AGTPBP1: variants seen among roughly 807,000 people sequenced by gnomAD.
AGTPBP1 encodes the protein cytosolic carboxypeptidase 1.
Under a neutral mutation model 143.9 loss-of-function variants are expected in AGTPBP1, and 70 were observed. The observed-to-expected ratio is 0.49, with a 90% CI of 0.40 to 0.59. AGTPBP1 has a LOEUF of 0.59. AGTPBP1 is among the 20% of genes least tolerant of loss of function. AGTPBP1 has a pLI of 0.00. For missense variants in AGTPBP1, 1,229 were observed against 1,464.5 expected (o/e 0.84, Z 2.62); for synonymous variants, 463 against 500.2 (o/e 0.93, Z 0.99).
chr9:85,691,475 T>C (rs1331435183), intron 3 of AGTPBP1, among the ~76,000 whole-genome samples: 1 of 151,862 alleles, frequency 6.6e-6, no homozygotes, highest in Non-Finnish European at 1.5e-5. Flanking sequence ...AGAAATACCT[T>C]TTATGTGCAC....
At chr9:85,755,518 C>T in the AGTPBP1 span, among the ~76,000 whole-genome samples, 1 of 152,176 alleles carries the variant, frequency 6.6e-6, no homozygotes, top group African/African-American at 2.4e-5. Flanking sequence ...CCTCCATCAT[C>T]TGTGTCTTCC....
chr9:85,585,160 T>C (rs1377739355), intron 23 of AGTPBP1, among the ~76,000 whole-genome samples: 1 of 152,204 alleles, frequency 6.6e-6, no homozygotes, highest in Admixed American at 6.5e-5. Flanking sequence ...TACATCCATA[T>C]ATACAAAATA....
intron 14 of AGTPBP1, among the ~76,000 whole-genome samples, chr9:85,627,729 A>G (rs1013970738): frequency 4.6e-5 from 7 of 152,218 alleles, no homozygotes; most frequent in South Asian, 2.1e-4. Flanking sequence ...GCCAGTTGAC[A>G]AGAATGAAGA....
At chr9:85,670,221 G>A (rs1200416137) in intron 7 of AGTPBP1, among the ~76,000 whole-genome samples, 2 of 152,186 alleles carry the variant, frequency 1.3e-5, no homozygotes, top group East Asian at 3.9e-4. Flanking sequence ...GTTAAACACA[G>A]AGTATCAAGA....
intron 25 of AGTPBP1, among the ~76,000 whole-genome samples, chr9:85,569,285 A>T (rs1827305580): frequency 6.6e-6 from 1 of 152,206 alleles, no homozygotes; most frequent in Non-Finnish European, 1.5e-5. Flanking sequence ...ATAGTACAAC[A>T]TCCCCCACAT....
intron 3 of AGTPBP1, among the ~76,000 whole-genome samples, chr9:85,686,114 C>T (rs1408793786): frequency 6.6e-6 from 1 of 151,800 alleles, no homozygotes; most frequent in Non-Finnish European, 1.5e-5. Context: ...TCAACAACTA[C>T]ATTAAATGTT....
At chr9:85,663,877 G>A (rs1833983185) in intron 8 of AGTPBP1, among the ~76,000 whole-genome samples, 1 of 152,020 alleles carries the variant, frequency 6.6e-6, no homozygotes, top group Non-Finnish European at 1.5e-5. Context: ...AGCTTTATTT[G>A]TAACAGTCAA....
chr9:85,632,919 T>G lies in AGTPBP1; in HGVS notation c.1758A>C (p.Thr586=), dbSNP rs746015048. ...TCGNVLFEGR[T]VQLGKLCCTG... ...TGCAGCAAAGCTTCCCTAGCTGAAC[T>G]GTTCTTCCCTCAAACAGAACATTTC... The change falls in exon 14 of 26, where the codon ACA becomes ACC. Residue 586 remains threonine, a synonymous_variant. Coordinates refer to ENST00000357081, the MANE Select transcript of AGTPBP1 (RefSeq NM_001330701.2). 11 of 1,614,060 alleles carry G rather than the reference T, an allele frequency of 6.8e-6. No individual in the cohort carries two copies. The African/African-American group carries it at 1.3e-4, about 20-fold the overall frequency.
chr9:85,547,167 G>C lies in AGTPBP1; in HGVS notation c.3623C>G (p.Pro1208Arg), dbSNP rs750142860. The change falls in exon 26 of 26, where the codon CCT (proline) becomes CGT (arginine). Residue 1208 changes from proline to arginine, a missense_variant. Pro to Arg is a moderately radical substitution (Grantham distance 103, BLOSUM62 -2). Around this residue, in one of 2 missense-constraint regions of AGTPBP1, gnomAD observed 486 missense variants for 652.3 expected, o/e 0.75. Transcript: ENST00000357081. ...AGAAAGTACTTCTTCTTGAGCAGAA[G>C]GTTCATAATCTCCTACATTTTCAGC... ...ELAENVGDYE[P>R]SAQEEVLSDS... The C allele has an allele frequency of 6.2e-7, 1 of 1,612,806 alleles. No individual in the cohort carries two copies. The highest frequency in any genetic ancestry group is 1.7e-5 in the Admixed American group (1 of 59,734).
At chr9:85,579,134 AGTTTTTAATTTTAAAT>A in intron 23 of AGTPBP1, 38 bp from the exon 24 acceptor site, 3 of 1,545,388 alleles carry the variant, frequency 1.9e-6, no homozygotes, top group Non-Finnish European at 2.6e-6. Flanking sequence ...AAATAAACCA[AGTTTTTAATTTTAAAT>A]GTTTTTAATT....
chr9:85,741,346 T>G, intron 1 of AGTPBP1: 2 of 984,760 alleles, frequency 2.0e-6, no homozygotes, highest in South Asian at 4.7e-5. Flanking sequence ...CCGCTACCAC[T>G]GGGGCGGGGG....
At position 85,672,673 on chromosome 9, in the gene AGTPBP1, A is replaced by T. The variant is rs1248045587; in HGVS notation, c.445T>A (p.Phe149Ile). Reference protein sequence around the residue: ...LAKIGPKDKKFGVKARINGAL... With the variant: ...LAKIGPKDKKIGVKARINGAL... ...CCATTAATTCTAGCCTTTACTCCAA[A>T]TTTTTTATCTGTTTAAAAAAAAAAA... Residue 149 changes from phenylalanine to isoleucine, a missense_variant, in exon 7 of 26, where the codon TTT (phenylalanine) becomes ATT (isoleucine). By Grantham distance (21) the Phe-to-Ile change is conservative (BLOSUM62 0). This residue lies in a region of AGTPBP1 where 743 missense variants were observed against 812.2 expected (regional missense o/e 0.91). Transcript: ENST00000357081. The T allele has an allele frequency of 1.3e-6, 2 of 1,583,324 alleles. No homozygotes were observed. The highest frequency in any genetic ancestry group is 1.7e-6 in the Non-Finnish European group (2 of 1,169,198).
Position 85,681,325 on chromosome 9 carries a change from C to G in AGTPBP1, c.168G>C (p.Arg56Ser). ...LHLAQSQEKTRREMTAKGSTG... is the reference protein window; with the variant it reads ...LHLAQSQEKTSREMTAKGSTG... The stretch of plus-strand genomic sequence containing the variant: ...TAGAACCTTTGGCTGTCATTTCTCT[C>G]CTTGTTTTTTCTGAAAAGTAGCAAA... The change falls in exon 4 of 26, where the codon AGG (arginine) becomes AGC (serine). Residue 56 changes from arginine to serine, a missense_variant. Physicochemically the swap from Arg to Ser is moderately radical, Grantham distance 110. Transcript: ENST00000357081. 6.2e-7 allele frequency: 1 copy of G among 1,611,728 alleles called. No individual in the cohort carries two copies. Among genetic ancestry groups the G allele is most frequent in the South Asian group, 1.1e-5 (1 of 90,294 alleles).
intron 7 of AGTPBP1, among the ~76,000 whole-genome samples, chr9:85,671,908 C>CCT (rs1293948170): frequency 1.3e-5 from 2 of 152,180 alleles, no homozygotes; most frequent in African/African-American, 4.8e-5. Context: ...TAGGCTTTCT[C>CCT]CTCTCATCTG....
chr9:85,621,583 GTGGT>G (rs1830941087), intron 14 of AGTPBP1, among the ~76,000 whole-genome samples: 1 of 151,820 alleles, frequency 6.6e-6, no homozygotes, highest in African/African-American at 2.4e-5. Context: ...TAGAAATGGT[GTGGT>G]TTCGCTATCT....
intron 25 of AGTPBP1, among the ~76,000 whole-genome samples, chr9:85,549,067 A>C (rs888339501): frequency 3.9e-5 from 6 of 152,240 alleles, no homozygotes; most frequent in Non-Finnish European, 1.5e-5. Flanking sequence ...TTCTCAGAGG[A>C]GTCCCAGGTG....
intron 1 of AGTPBP1, among the ~76,000 whole-genome samples, chr9:85,714,903 G>A (rs918186469): frequency 2.6e-5 from 4 of 152,026 alleles, no homozygotes; most frequent in South Asian, 2.1e-4. Context: ...TCAAGACAAC[G>A]TGGTGTAATG....
chr9:85,595,908 T>C (rs1173179739), intron 18 of AGTPBP1, among the ~76,000 whole-genome samples: 2 of 152,178 alleles, frequency 1.3e-5, no homozygotes, highest in African/African-American at 4.8e-5. Context: ...ATGTACTGTA[T>C]TTGGAACACA....
At chr9:85,693,048 T>A (rs1176329379) in intron 2 of AGTPBP1, among the ~76,000 whole-genome samples, 4 of 152,174 alleles carry the variant, frequency 2.6e-5, no homozygotes, top group Non-Finnish European at 4.4e-5. Flanking sequence ...ATCACAAATA[T>A]CCCTTCAACC....
Sources: gnomAD v4.1 joint callset for allele counts (sites outside exome capture counted in the v4.1 genomes callset) on GRCh38, gnomAD v4.1.1 for gene constraint, gnomAD v4.1.1 regional missense constraint, MANE v1.5 for transcripts, NCBI Gene and HGNC (gene_info 2026-07-23, HGNC 2026-07-21) for gene names.